The following ARHGAP45 variants were observed in gnomAD, a reference collection of about 807,000 sequenced individuals.
ARHGAP45 encodes the protein rho GTPase-activating protein 45.
ARHGAP45 carries 56 observed loss-of-function variants against 116.1 expected under a neutral mutation model. The ratio of observed to expected loss-of-function variants is 0.48; its 90% confidence interval spans 0.39 to 0.60. The LOEUF (loss-of-function observed/expected upper bound fraction) is 0.60. ARHGAP45 is among the 20% of genes least tolerant of loss of function. The pLI, the probability that ARHGAP45 is intolerant of heterozygous loss-of-function variation, is 0.00. For synonymous variants in ARHGAP45, 866 were observed against 701.7 expected, an observed-to-expected ratio of 1.23 and a Z score of -3.70; for missense variants, 1,622 against 1,601.0, an observed-to-expected ratio of 1.01 and a Z score of -0.22.
intron 10 of ARHGAP45, among the ~76,000 whole-genome samples, chr19:1,076,334 T>G: frequency 6.6e-6 from 1 of 152,154 alleles, no homozygotes; most frequent in South Asian, 2.1e-4. Flanking sequence ...CATTGATTTG[T>G]CAGAGCTTTT....
At chr19:1,073,088 T>G in intron 2 of ARHGAP45, 61 bp from the exon 3 acceptor site, 4 of 1,529,102 alleles carry the variant, frequency 2.6e-6, no homozygotes, top group Non-Finnish European at 1.7e-6. Context: ...AGGGAGGAGG[T>G]GGACAGACTT....
intron 10 of ARHGAP45, among the ~76,000 whole-genome samples, 153 bp downstream of exon 10, chr19:1,075,032 C>T (rs568810406): frequency 7.5e-6 from 1 of 132,970 alleles, no homozygotes; most frequent in Non-Finnish European, 1.7e-5. Flanking sequence ...GGGCCGCCCC[C>T]CCCAACGCCA....
Position 1,081,009 on chromosome 19 carries a change from C to T in ARHGAP45, c.2135C>T (p.Ala712Val). Residue 712 changes from alanine (A) to valine (V), a missense_variant, in exon 17 of 23, where the codon GCC becomes GTC. Ala to Val is a moderately conservative substitution (Grantham distance 64, BLOSUM62 0). This residue lies in a region of ARHGAP45 where 1,334 missense variants were observed against 1,263.8 expected (regional missense o/e 1.06). Coordinates refer to ENST00000313093, the MANE Select transcript of ARHGAP45 (RefSeq NM_012292.5). ...THRLRKLRTP[A>V]KCRECNSYVY... ...CGGCTCCGGAAGCTCCGCACGCCCG[C>T]CAAGTGCCGCGAGTGCAACAGCTAC... The T allele has an allele frequency of 1.2e-6, 2 of 1,608,788 alleles. No individual in the cohort carries two copies. The highest frequency in any genetic ancestry group is 8.5e-7 in the Non-Finnish European group (1 of 1,178,424).
intron 1 of ARHGAP45, 105 bp downstream of exon 1, chr19:1,067,600 GC>G: frequency 9.3e-7 from 1 of 1,073,534 alleles, no homozygotes; most frequent in Non-Finnish European, 1.4e-6. Flanking sequence ...GGGGGCTCGT[GC>G]CAGCTACAGC....
Position 1,083,370 on chromosome 19 carries a change from G to C in ARHGAP45, c.2955+17G>C. 6.5e-7 allele frequency: 1 copy of C among 1,537,704 alleles called. No individual in the cohort carries two copies. The highest frequency in any genetic ancestry group is 8.7e-7 in the Non-Finnish European group (1 of 1,145,654). On this transcript the variant is annotated intron_variant, in intron 21 of 22. Transcript: ENST00000313093. ...GGGGGCCAGGTGAGGGTGTGGGCCT[G>C]ACCGGGGCTGGCCACTCGGGGCTTG...
At position 1,084,307 on chromosome 19, in the gene ARHGAP45, G is replaced by C. The variant is rs1313728558; in HGVS notation, c.3025G>C (p.Val1009Leu). The change falls in exon 22 of 23, where the codon GTC becomes CTC. Residue 1009 changes from valine (V) to leucine (L), a missense_variant. By Grantham distance (32) the Val-to-Leu change is conservative. Coordinates refer to ENST00000313093, the MANE Select transcript of ARHGAP45 (RefSeq NM_012292.5). ...VPYLEAGEAV[V>L]YPLQEAAADG... is the part of the protein sequence containing the mutation. Reference sequence around the variant, plus strand: ...GTACCTGGAGGCGGGCGAGGCGGTGGTCTACCCGCTGCAGGAGGCGGCGGC... The same window carrying C: ...GTACCTGGAGGCGGGCGAGGCGGTGCTCTACCCGCTGCAGGAGGCGGCGGC... 1 of 1,612,168 alleles carries C rather than the reference G, an allele frequency of 6.2e-7. No homozygotes were observed. The highest frequency in any genetic ancestry group is 1.3e-5 in the African/African-American group (1 of 74,958).
chr19:1,071,184 G>A lies in ARHGAP45; in HGVS notation c.422-1965G>A, dbSNP rs2043133209. 1 of 1,356,566 alleles carries A rather than the reference G, an allele frequency of 7.4e-7. No homozygotes were observed. The allele number at this position is 1,356,566 out of a possible 1,614,324, so 84.0% of individuals were successfully genotyped here. On this transcript the variant is annotated intron_variant, in intron 2 of 22. Coordinates refer to ENST00000313093, the MANE Select transcript of ARHGAP45 (RefSeq NM_012292.5). The surrounding 1 kb of genome is among the most constrained non-coding windows in gnomAD (Gnocchi z 4.6). ...CCAGGGCGGGGTTTCCCTCGCGGGG[G>A]CGGGGCCTCCTGACCGGCCGGAGCC...
At chr19:1,085,451 C>T (rs2043581359) in intron 22 of ARHGAP45, among the ~76,000 whole-genome samples, 1 of 151,774 alleles carries the variant, frequency 6.6e-6, no homozygotes, top group Non-Finnish European at 1.5e-5. Flanking sequence ...CTCCCCTTGT[C>T]TCTCTCTCCT....
chr19:1,075,132 T>C (rs1025516151), intron 10 of ARHGAP45, among the ~76,000 whole-genome samples: 1 of 151,280 alleles, frequency 6.6e-6, no homozygotes, highest in Admixed American at 6.6e-5. Flanking sequence ...CCTGCAGAAA[T>C]GGGGAGAAGC....
Position 1,074,237 on chromosome 19 carries a change from G to A in ARHGAP45, c.924G>A (p.Thr308=), listed in dbSNP as rs761820565. Residue 308 remains threonine, a synonymous_variant, in exon 7 of 23, where the codon ACG becomes ACA. Coordinates refer to ENST00000313093, the MANE Select transcript of ARHGAP45 (RefSeq NM_012292.5). ...DLISYLEKRT[T]LEMEFAKGLQ... is the part of the protein sequence containing the mutation. ...TCAGCTACCTGGAGAAGCGGACGAC[G>A]CTGGGTGAGAGCTGGTGTCCCAGCA... The A allele has an allele frequency of 1.7e-5, 27 of 1,612,874 alleles. No individual in the cohort carries two copies. Among genetic ancestry groups the A allele is most frequent in the Non-Finnish European group, 1.8e-5 (21 of 1,179,868 alleles).
chr19:1,082,273 C>CG (rs1263180111), intron 19 of ARHGAP45, among the ~76,000 whole-genome samples: 309 of 3,934 alleles, frequency 0.079, 2 homozygotes, highest in African/African-American at 0.17. Flanking sequence ...TGACGCTGTG[C>CG]GGGGGCGGGG....
At position 1,086,017 on chromosome 19, in the gene ARHGAP45, G is replaced by A. The variant is rs2043633601; in HGVS notation, c.*11G>A. ...CCGGAATTCGTGTGAGCTGGGGTGG[G>A]GCTGGGACCACAGGTGGCTTCTCTC... is the stretch of plus-strand genomic sequence containing the variant. On this transcript the variant is annotated 3_prime_UTR_variant, in exon 23 of 23. Transcript: ENST00000313093. 2 of 1,604,728 alleles carry A rather than the reference G, an allele frequency of 1.2e-6. No individual in the cohort carries two copies. Among genetic ancestry groups the A allele is most frequent in the African/African-American group, 2.7e-5 (2 of 74,760 alleles).
rs529673468 is a variant in ARHGAP45, at chr19:1,069,136, G to A, written c.421+392G>A. Among the ~76,000 whole-genome samples, 1 of 152,264 alleles carries A rather than the reference G, an allele frequency of 6.6e-6. No homozygotes were observed. Among genetic ancestry groups the A allele is most frequent in the Non-Finnish European group, 1.5e-5 (1 of 68,014 alleles). On this transcript the variant is annotated intron_variant, in intron 2 of 22. Coordinates refer to ENST00000313093, the MANE Select transcript of ARHGAP45 (RefSeq NM_012292.5). This position sits in a 1 kb window ranked among gnomAD's most constrained non-coding sequence, Gnocchi z 4.1. ...AGAAGGGCAATGGGGAGCCATAGAAGGTGTTAGAGCACAGGACAGATGGGG... is the reference window on the plus strand; with the variant it reads ...AGAAGGGCAATGGGGAGCCATAGAAAGTGTTAGAGCACAGGACAGATGGGG...
chr19:1,079,865 G>T, intron 12 of ARHGAP45, 25 bp downstream of exon 12: 1 of 1,591,802 alleles, frequency 6.3e-7, no homozygotes, highest in Non-Finnish European at 8.6e-7. Context: ...CCGGCCGCCC[G>T]GGCGGGGATG....
intron 10 of ARHGAP45, chr19:1,077,173 T>G (rs538479869): frequency 1.0e-6 from 1 of 985,350 alleles, no homozygotes; most frequent in Non-Finnish European, 1.2e-6. Context: ...CTGGGCGGCT[T>G]CTCTGTTCTC....
chr19:1,083,522 C>T (rs541604011), intron 21 of ARHGAP45, among the ~76,000 whole-genome samples, 169 bp downstream of exon 21: 4 of 152,306 alleles, frequency 2.6e-5, no homozygotes, highest in East Asian at 3.9e-4. Context: ...ATGCAAAAAA[C>T]TCAGCGAGGT....
chr19:1,082,586 G>A (rs918837845), intron 19 of ARHGAP45: 5 of 516,412 alleles, frequency 9.7e-6, no homozygotes, highest in African/African-American at 2.0e-5. Context: ...GCCGGAGCTC[G>A]TTAGGGTACC....
Position 1,071,381 on chromosome 19 carries a change from C to T in ARHGAP45, c.422-1768C>T. 9 of 1,266,236 alleles carry T rather than the reference C, an allele frequency of 7.1e-6. No individual in the cohort carries two copies. The highest frequency in any genetic ancestry group is 9.0e-6 in the Non-Finnish European group (9 of 1,003,796). The allele number at this position is 1,266,236 out of a possible 1,614,324, so 78.4% of individuals were successfully genotyped here. ...GAGGTGAGGGGACAGGTGCCGGGCG[C>T]TGGGTCCCGCCGCGTCCGGGAGCAC... On this transcript the variant is annotated intron_variant, in intron 2 of 22. Coordinates refer to ENST00000313093, the MANE Select transcript of ARHGAP45 (RefSeq NM_012292.5). This position sits in a 1 kb window ranked among gnomAD's most constrained non-coding sequence, Gnocchi z 4.6.
At position 1,083,324 on chromosome 19, in the gene ARHGAP45, G is replaced by A. The variant is rs1311536207; in HGVS notation, c.2926G>A (p.Glu976Lys). 6.4e-7 allele frequency: 1 copy of A among 1,556,956 alleles called. No homozygotes were observed. Among genetic ancestry groups the A allele is most frequent in the African/African-American group, 1.4e-5 (1 of 73,486 alleles). Residue 976 changes from glutamate to lysine, a missense_variant, in exon 21 of 23, where the codon GAG becomes AAG. This residue lies in a region of ARHGAP45 where 1,334 missense variants were observed against 1,263.8 expected (regional missense o/e 1.06). Coordinates refer to ENST00000313093, the MANE Select transcript of ARHGAP45 (RefSeq NM_012292.5). ...LIVHYGLVFEEEPEETPGGQD... is the reference protein window; with the variant it reads ...LIVHYGLVFEKEPEETPGGQD... ...CGTCCACTACGGCCTGGTCTTCGAGGAGGAGCCGGAGGAGACCCCCGGGGG... is the reference window on the plus strand; with the variant it reads ...CGTCCACTACGGCCTGGTCTTCGAGAAGGAGCCGGAGGAGACCCCCGGGGG...
Sources: allele counts gnomAD v4.1 joint callset (sites outside exome capture counted in the v4.1 genomes callset), GRCh38; gene constraint gnomAD v4.1.1; regional missense constraint gnomAD v4.1.1; non-coding constraint Gnocchi (gnomAD v3.1); transcripts MANE v1.5; gene names NCBI Gene and HGNC (gene_info 2026-07-23, HGNC 2026-07-21).